PCDHA7: variants seen among roughly 807,000 people sequenced by gnomAD.
The protein encoded by PCDHA7 is protocadherin alpha 7, also known as protocadherin alpha-7.
A neutral mutation model predicts 57.2 loss-of-function variants in PCDHA7; 37 were observed. The observed-to-expected ratio is 0.65, with a 90% CI of 0.50 to 0.85. PCDHA7 has a LOEUF of 0.85. PCDHA7 is among the 40% of genes least tolerant of loss of function. The probability of loss-of-function intolerance (pLI) is 0.00; values close to 1 mark genes in which losing one functional copy is unlikely to be tolerated. For synonymous variants in PCDHA7, 553 were observed against 558.8 expected, an observed-to-expected ratio of 0.99 and a Z score of 0.15; for missense variants, 1,188 against 1,241.8, an observed-to-expected ratio of 0.96 and a Z score of 0.65.
chr5:140,941,111 G>T (rs1477407055), intron 1 of PCDHA7, among the ~76,000 whole-genome samples: 2 of 152,090 alleles, frequency 1.3e-5, no homozygotes, highest in Non-Finnish European at 2.9e-5. Context: ...TTACTGGAAA[G>T]ATTAGTCCTT....
intron 1 of PCDHA7, chr5:140,858,383 A>T: frequency 6.3e-7 from 1 of 1,584,980 alleles, no homozygotes; most frequent in African/African-American, 1.3e-5. Flanking sequence ...ACCATGCCCA[A>T]TGGTAGATGT....
chr5:140,852,181 G>A, intron 1 of PCDHA7: 3 of 755,216 alleles, frequency 4.0e-6, no homozygotes, highest in Non-Finnish European at 5.0e-6. Flanking sequence ...AAATAACTAT[G>A]AAAATGCCAG....
chr5:141,009,290 A>G (rs1372878338), intron 3 of PCDHA7, among the ~76,000 whole-genome samples: 1 of 152,118 alleles, frequency 6.6e-6, no homozygotes, highest in Non-Finnish European at 1.5e-5. Context: ...TCCCATTTCT[A>G]TAAAATTTTT....
At chr5:140,967,254 C>G in intron 1 of PCDHA7, 3 of 1,613,562 alleles carry the variant, frequency 1.9e-6, no homozygotes, top group Non-Finnish European at 2.5e-6. Context: ...TCGGTGGCGC[C>G]TGGAGCGCGC....
At chr5:140,847,990 T>C (rs1781276116) in intron 1 of PCDHA7, 1 of 156,442 alleles carries the variant, frequency 6.4e-6, no homozygotes, top group South Asian at 1.8e-4. Flanking sequence ...AGATTCTGAA[T>C]TCCAGAACAA....
chr5:140,859,473 G>T (rs1486992699), intron 1 of PCDHA7: 1 of 209,794 alleles, frequency 4.8e-6, no homozygotes, highest in Non-Finnish European at 9.3e-6. Context: ...ACTATCAATT[G>T]TGTTTTCCTG....
At position 140,834,395 on chromosome 5, in the gene PCDHA7, G is replaced by T. The variant is rs2150216541; in HGVS notation, c.12G>T (p.Pro4=). The T allele has an allele frequency of 6.3e-7, 1 of 1,598,712 alleles. No individual in the cohort carries two copies. The highest frequency in any genetic ancestry group is 8.5e-7 in the Non-Finnish European group (1 of 1,171,512). The change falls in exon 1 of 4, where the codon CCG becomes CCT. Residue 4 remains proline (P), a synonymous_variant. Transcript: ENST00000525929. ...GCCAATAATTTGAAATGGTGTGCCC[G>T]AATGGATACGACCCAGGGGGCCGAC... is the stretch of plus-strand genomic sequence containing the variant. MVC[P]NGYDPGGRHL...
Position 140,885,214 on chromosome 5 carries a change from T to A in PCDHA7, c.2355+48476T>A, listed in dbSNP as rs550824585. On this transcript the variant is annotated intron_variant, in intron 1 of 3. Coordinates refer to ENST00000525929, the MANE Select transcript of PCDHA7 (RefSeq NM_018910.3). ...CCCCTCTCATATATCCCATGAAAAATATCTTGTGATTCTGCTTTCAATTTT... is the reference window on the plus strand; with the variant it reads ...CCCCTCTCATATATCCCATGAAAAAAATCTTGTGATTCTGCTTTCAATTTT... Among the ~76,000 whole-genome samples the A allele has an allele frequency of 2.8e-3, 423 of 152,168 alleles. 2 individuals carry two copies. The highest frequency in any genetic ancestry group is 0.014 in the Middle Eastern group (4 of 294).
intron 1 of PCDHA7, chr5:140,884,394 G>A (rs2060142596): frequency 3.7e-6 from 6 of 1,613,880 alleles, no homozygotes; most frequent in East Asian, 2.2e-5. Flanking sequence ...GCGGTGTCCA[G>A]CCTGTTGGTG....
chr5:140,961,736 T>C (rs1554225571), intron 1 of PCDHA7, among the ~76,000 whole-genome samples: 1 of 152,178 alleles, frequency 6.6e-6, no homozygotes. Context: ...ACAATCACTT[T>C]AGTAATATTA....
At chr5:140,922,016 AT>A (rs1213488839) in intron 1 of PCDHA7, among the ~76,000 whole-genome samples, 20 of 152,076 alleles carry the variant, frequency 1.3e-4, no homozygotes, top group Admixed American at 1.2e-3. Flanking sequence ...GTTTAAAAAA[AT>A]AAATATAAAA....
intron 1 of PCDHA7, chr5:140,863,094 G>A (rs782437357): frequency 8.7e-6 from 5 of 576,444 alleles, no homozygotes; most frequent in African/African-American, 3.7e-5. Flanking sequence ...TCAGCACGAC[G>A]AGTACCCTGG....
intron 1 of PCDHA7, among the ~76,000 whole-genome samples, chr5:140,917,501 A>G (rs557906425): frequency 6.6e-6 from 1 of 152,020 alleles, no homozygotes; most frequent in East Asian, 1.9e-4. Context: ...CCAGAATGAT[A>G]TTTTCTAGGT....
chr5:140,902,526 T>C (rs1388582391), intron 1 of PCDHA7, among the ~76,000 whole-genome samples: 1 of 152,140 alleles, frequency 6.6e-6, no homozygotes, highest in African/African-American at 2.4e-5. Flanking sequence ...GTTTTTATTA[T>C]GTTGAGGTAT....
chr5:141,005,701 CAAAAAAAAA>C (rs59860837), intron 3 of PCDHA7, among the ~76,000 whole-genome samples: 2 of 7,784 alleles, frequency 2.6e-4, no homozygotes, highest in African/African-American at 4.7e-4. Context: ...AACTCCGTCT[CAAAAAAAAA>C]AAAAAAAAAA....
At chr5:140,904,018 A>G (rs2070774543) in intron 1 of PCDHA7, among the ~76,000 whole-genome samples, 1 of 152,198 alleles carries the variant, frequency 6.6e-6, no homozygotes. Context: ...TTAAAAAATA[A>G]TGGTATAATT....
At chr5:140,911,677 C>T (rs904570548) in intron 1 of PCDHA7, among the ~76,000 whole-genome samples, 4 of 152,118 alleles carry the variant, frequency 2.6e-5, no homozygotes, top group African/African-American at 7.2e-5. Flanking sequence ...TCTCACGAAC[C>T]GTGCATCAGG....
intron 1 of PCDHA7, among the ~76,000 whole-genome samples, chr5:140,954,779 G>T (rs2095086497): frequency 6.6e-6 from 1 of 152,108 alleles, no homozygotes; most frequent in Non-Finnish European, 1.5e-5. Flanking sequence ...AATTTAATTA[G>T]ATCTCATTTG....
In PCDHA7 at chr5:140,846,348, C is replaced by G. The variant is rs2150387302; in HGVS notation, c.2355+9610C>G. 4.3e-5 allele frequency among the ~76,000 whole-genome samples: 6 copies of G among 138,740 alleles called. 1 individual carries two copies. Among genetic ancestry groups the G allele is most frequent in the Admixed American group, 4.3e-4 (6 of 13,918 alleles). The allele number at this position is 138,740 out of a possible 152,430, so 91.0% of individuals were successfully genotyped here. Reference sequence around the variant, plus strand: ...TAAATAGCCTTTTAAAGTGCTTTCTCTTTTTTCTTTTCTTTTCTTTCTTTC... The same window carrying G: ...TAAATAGCCTTTTAAAGTGCTTTCTGTTTTTTCTTTTCTTTTCTTTCTTTC... On this transcript the variant is annotated intron_variant, in intron 1 of 3. Coordinates refer to ENST00000525929, the MANE Select transcript of PCDHA7 (RefSeq NM_018910.3).
Sources: gnomAD v4.1 joint callset for allele counts (sites outside exome capture counted in the v4.1 genomes callset) on GRCh38, gnomAD v4.1.1 for gene constraint, MANE v1.5 for transcripts, NCBI Gene and HGNC (gene_info 2026-07-23, HGNC 2026-07-21) for gene names.